Variants in SNX24 observed in about 807,000 individuals in gnomAD.
SNX24 encodes the protein sorting nexin 24, also known as sorting nexin-24.
In SNX24, 22 loss-of-function variants were observed where a neutral mutation model predicts 28.7. The observed-to-expected ratio is 0.77, with a 90% CI of 0.55 to 1.10. The LOEUF (loss-of-function observed/expected upper bound fraction) is 1.10. SNX24 is among the 50% of genes least tolerant of loss of function. SNX24 has a pLI of 0.00. For missense variants in SNX24, 221 were observed against 201.1 expected (o/e 1.10, Z -0.60); for synonymous variants, 69 against 71.5 (o/e 0.96, Z 0.18).
intron 3 of SNX24, chr5:122,965,401 CA>C (rs1275423585): frequency 2.2e-6 from 1 of 453,430 alleles, no homozygotes; most frequent in African/African-American, 2.0e-5. Flanking sequence ...CTTCTGAGAA[CA>C]AATAAGGAAA....
Position 123,003,478 on chromosome 5 carries a change from A to T in SNX24, c.442+1474A>T, listed in dbSNP as rs368617923. ...GATAGTTTTATAAATTATTCTTATT[A>T]TCTTTGAAAAATGGCTCCACAAGCA... On this transcript the variant is annotated intron_variant, in intron 6 of 6. Transcript: ENST00000261369. 2.6e-5 allele frequency among the ~76,000 whole-genome samples: 4 copies of T among 151,854 alleles called. No homozygotes were observed. In the East Asian group the frequency reaches 7.7e-4, roughly 29 times the overall value.
chr5:122,898,949 C>G (rs991399838), intron 1 of SNX24, among the ~76,000 whole-genome samples: 1 of 152,170 alleles, frequency 6.6e-6, no homozygotes, highest in South Asian at 2.1e-4. Context: ...GTGTCCCCAT[C>G]CTTGGGTGCA....
rs111704359 is a variant in SNX24, at chr5:123,006,697, G to A, written c.443-985G>A. ...TCATTCCCACTTTTCTCACTATGTT[G>A]GCTTTCGTTTAGGTCTCTGAACCCT... On this transcript the variant is annotated intron_variant, in intron 6 of 6. Coordinates refer to ENST00000261369, the MANE Select transcript of SNX24 (RefSeq NM_014035.4). Among the ~76,000 whole-genome samples the A allele has an allele frequency of 4.2e-3, 647 of 152,260 alleles. 6 individuals are homozygous for A. Among genetic ancestry groups the A allele is most frequent in the African/African-American group, 0.015 (615 of 41,562 alleles).
At chr5:122,982,353 G>T (rs574691289) in intron 3 of SNX24, among the ~76,000 whole-genome samples, 1 of 152,168 alleles carries the variant, frequency 6.6e-6, no homozygotes, top group Non-Finnish European at 1.5e-5. Context: ...AATGTATTTT[G>T]TGACAAATTA....
intron 1 of SNX24, among the ~76,000 whole-genome samples, chr5:122,884,129 T>C (rs1316663877): frequency 6.6e-6 from 1 of 152,182 alleles, no homozygotes; most frequent in Non-Finnish European, 1.5e-5. Flanking sequence ...GTCTCAGATA[T>C]GAAACACATT....
chr5:122,931,504 T>A (rs1186757380), intron 1 of SNX24, among the ~76,000 whole-genome samples: 1 of 152,194 alleles, frequency 6.6e-6, no homozygotes, highest in East Asian at 1.9e-4. Flanking sequence ...ACCTTTTTTA[T>A]TATCTTGAAT....
intron 1 of SNX24, among the ~76,000 whole-genome samples, chr5:122,861,411 G>A (rs1755456278): frequency 6.6e-6 from 1 of 152,172 alleles, no homozygotes; most frequent in Non-Finnish European, 1.5e-5. Context: ...CTGTAACTGA[G>A]TCTTCAAAAG....
At chr5:122,856,669 A>G (rs1246555707) in intron 1 of SNX24, among the ~76,000 whole-genome samples, 1 of 151,098 alleles carries the variant, frequency 6.6e-6, no homozygotes, top group Admixed American at 6.6e-5. Flanking sequence ...GTGCCCGCCA[A>G]CATGCCTGGC....
chr5:122,854,313 C>T (rs1755069347), intron 1 of SNX24, among the ~76,000 whole-genome samples: 1 of 151,932 alleles, frequency 6.6e-6, no homozygotes, highest in Non-Finnish European at 1.5e-5. Context: ...TCGAGACCAT[C>T]CTGGCTAACA....
intron 3 of SNX24, among the ~76,000 whole-genome samples, chr5:122,971,930 C>T (rs1400982464): frequency 4.6e-5 from 7 of 152,166 alleles, no homozygotes; most frequent in Non-Finnish European, 8.8e-5. Context: ...GGGTCTGGGC[C>T]ATTTGTAGTC....
chr5:122,985,213 A>G (rs1037925795), intron 3 of SNX24, among the ~76,000 whole-genome samples: 6 of 152,182 alleles, frequency 3.9e-5, no homozygotes, highest in South Asian at 2.1e-4. Context: ...TCTTATGTAC[A>G]TAGTCAGCCA....
intron 1 of SNX24, among the ~76,000 whole-genome samples, chr5:122,848,144 C>T (rs537888278): frequency 2.0e-5 from 3 of 152,206 alleles, no homozygotes; most frequent in African/African-American, 7.2e-5. Flanking sequence ...GCTCTGTCAC[C>T]CAGGCTGGAG....
intron 1 of SNX24, among the ~76,000 whole-genome samples, chr5:122,870,335 A>C (rs114005847): frequency 0.028 from 4,251 of 152,264 alleles, 75 homozygotes; most frequent in Middle Eastern, 0.054. Context: ...CTGCTTCAAA[A>C]CTTTGTATGA....
intron 1 of SNX24, among the ~76,000 whole-genome samples, chr5:122,876,174 G>A (rs1453343822): frequency 6.6e-6 from 1 of 152,166 alleles, no homozygotes; most frequent in Non-Finnish European, 1.5e-5. Flanking sequence ...GATTTTCTTA[G>A]ATGAATATGG....
chr5:122,917,731 A>G (rs1409967084), intron 1 of SNX24, among the ~76,000 whole-genome samples: 4 of 152,206 alleles, frequency 2.6e-5, no homozygotes, highest in African/African-American at 7.2e-5. Flanking sequence ...TGTAAGATAG[A>G]ATTATAAGTG....
chr5:122,882,040 T>C (rs1012155935), intron 1 of SNX24, among the ~76,000 whole-genome samples: 3 of 151,404 alleles, frequency 2.0e-5, no homozygotes, highest in Non-Finnish European at 4.4e-5. Context: ...TGTGACAAAC[T>C]CCTGGGCTCA....
chr5:123,007,122 C>T (rs1354119151), intron 6 of SNX24, among the ~76,000 whole-genome samples: 1 of 152,152 alleles, frequency 6.6e-6, no homozygotes, highest in Non-Finnish European at 1.5e-5. Context: ...AATAATGGAG[C>T]TGTGTTTTCA....
chr5:123,021,681 C>T (rs1292798467), intron 5 of SNX24, among the ~76,000 whole-genome samples: 3 of 152,250 alleles, frequency 2.0e-5, no homozygotes, highest in South Asian at 4.2e-4. Flanking sequence ...CATGCCCCTC[C>T]GCAACTTCAA....
chr5:122,913,403 C>A (rs1313197014), intron 1 of SNX24, among the ~76,000 whole-genome samples: 1 of 150,810 alleles, frequency 6.6e-6, no homozygotes, highest in Non-Finnish European at 1.5e-5. Context: ...GCTGACCCCC[C>A]ACCTCCCTCC....
Sources: allele counts gnomAD v4.1 joint callset (sites outside exome capture counted in the v4.1 genomes callset), GRCh38; gene constraint gnomAD v4.1.1; transcripts MANE v1.5; gene names NCBI Gene and HGNC (gene_info 2026-07-23, HGNC 2026-07-21).